Variants in ARHGEF10 observed in about 807,000 individuals in gnomAD.
The protein encoded by ARHGEF10 is Rho guanine nucleotide exchange factor 10.
ARHGEF10 carries 140 observed loss-of-function variants against 147.4 expected under a neutral mutation model. The ratio of observed to expected loss-of-function variants is 0.95; its 90% CI spans 0.83 to 1.09. ARHGEF10 has a LOEUF of 1.09. Ranked by LOEUF, ARHGEF10 falls within the 50% of genes least tolerant of loss-of-function variation. The pLI is 0.00. For missense variants in ARHGEF10, 2,222 were observed against 1,752.7 expected, an observed-to-expected ratio of 1.27 and a Z score of -4.78; for synonymous variants, 902 against 695.8, an observed-to-expected ratio of 1.30 and a Z score of -4.67.
In ARHGEF10 at chr8:1,871,785, C is replaced by A. The variant is rs147642796; in HGVS notation, c.679+2535C>A. ...TGAGCCGAGGTTGCACCACTACACT[C>A]CAGCCTGGGCAACAGAGCGAGACTC... On this transcript the variant is annotated intron_variant, in intron 7 of 28. Coordinates refer to ENST00000349830, the MANE Select transcript of ARHGEF10 (RefSeq NM_014629.4). Among the ~76,000 whole-genome samples, 862 of 152,264 alleles carry A rather than the reference C, an allele frequency of 5.7e-3. 60 individuals carry two copies. The East Asian group carries it at 0.14, about 25-fold the overall frequency.
intron 2 of ARHGEF10, among the ~76,000 whole-genome samples, chr8:1,856,801 C>T (rs372987114): frequency 3.5e-4 from 54 of 152,294 alleles, no homozygotes; most frequent in Non-Finnish European, 5.0e-4. Context: ...TGTGGATTGC[C>T]GGGCATGGCA....
chr8:1,835,792 T>G (rs1803543651), intron 1 of ARHGEF10, among the ~76,000 whole-genome samples: 1 of 152,114 alleles, frequency 6.6e-6, no homozygotes, highest in Non-Finnish European at 1.5e-5. Context: ...TTATAGAAGG[T>G]GGGGCTGCGG....
At chr8:1,846,671 G>A (rs1804587163) in intron 2 of ARHGEF10, among the ~76,000 whole-genome samples, 2 of 151,942 alleles carry the variant, frequency 1.3e-5, no homozygotes, top group Admixed American at 6.6e-5. Flanking sequence ...TCCACTTCCC[G>A]GGTTCAAGGA....
In ARHGEF10 at chr8:1,923,195, T is replaced by G. The variant is rs1043059007; in HGVS notation, c.2259+116T>G. 1.3e-5 allele frequency: 12 copies of G among 930,530 alleles called. No individual in the cohort carries two copies. In the African/African-American group the frequency reaches 1.7e-4, roughly 13 times the overall value. 57.6% of individuals were successfully genotyped at this position (930,530 alleles called of 1,614,324 possible). On this transcript the variant is annotated intron_variant, in intron 19 of 28. Coordinates refer to ENST00000349830, the MANE Select transcript of ARHGEF10 (RefSeq NM_014629.4). Reference sequence around the variant, plus strand: ...GAGAATTCATTTTGACTTTAAAAATTAATCTGAATGTACATTTTCTCTTAC... The same window carrying G: ...GAGAATTCATTTTGACTTTAAAAATGAATCTGAATGTACATTTTCTCTTAC...
At chr8:1,909,608 C>G (rs1811207073) in intron 18 of ARHGEF10, 138 bp downstream of exon 18, 4 of 1,206,954 alleles carry the variant, frequency 3.3e-6, no homozygotes, top group Admixed American at 4.0e-5. Flanking sequence ...GTGATCCAGT[C>G]TCTAGAATCT....
intron 11 of ARHGEF10, among the ~76,000 whole-genome samples, chr8:1,890,173 GGT>G (rs1809361308): frequency 7.2e-6 from 1 of 138,410 alleles, no homozygotes; most frequent in African/African-American, 2.9e-5. Context: ...GTGGGGTGAG[GGT>G]TTGTGAGGAG....
At chr8:1,906,452 G>A (rs1320167669) in intron 17 of ARHGEF10, among the ~76,000 whole-genome samples, 2 of 152,184 alleles carry the variant, frequency 1.3e-5, no homozygotes, top group African/African-American at 4.8e-5. Context: ...CGATGTGTTA[G>A]GAGCCTGTCC....
intron 18 of ARHGEF10, among the ~76,000 whole-genome samples, chr8:1,910,677 A>G (rs775714219): frequency 3.3e-5 from 5 of 152,222 alleles, no homozygotes; most frequent in East Asian, 3.8e-4. Flanking sequence ...TTAACATTTT[A>G]TTCAAGAGCA....
At chr8:1,909,866 G>A (rs890884111) in intron 18 of ARHGEF10, among the ~76,000 whole-genome samples, 6 of 152,132 alleles carry the variant, frequency 3.9e-5, no homozygotes, top group African/African-American at 1.2e-4. Context: ...GTTCCAGCTC[G>A]GCTCTTTGCT....
chr8:1,903,649 C>A, intron 16 of ARHGEF10, 198 bp downstream of exon 16: 1 of 651,882 alleles, frequency 1.5e-6, no homozygotes, highest in Non-Finnish European at 2.6e-6. Context: ...AACAGCCTGT[C>A]TTAACAGCAT....
Position 1,860,012 on chromosome 8 carries a change from C to G in ARHGEF10, c.309C>G (p.Asp103Glu). The G allele has an allele frequency of 1.9e-6, 3 of 1,614,102 alleles. No individual in the cohort carries two copies. Among genetic ancestry groups the G allele is most frequent in the Non-Finnish European group, 2.5e-6 (3 of 1,179,990 alleles). Residue 103 changes from aspartate (D) to glutamate (E), a missense_variant, in exon 4 of 29, where the codon GAC (aspartate) becomes GAG (glutamate). Physicochemically the swap from Asp to Glu is conservative, Grantham distance 45. Coordinates refer to ENST00000349830, the MANE Select transcript of ARHGEF10 (RefSeq NM_014629.4). ...SVIDITPFQE[D>E]QPPTPVPSAE... is the part of the protein sequence containing the mutation. ...TCGACATCACGCCATTCCAGGAGGA[C>G]CAGCCGCCCACCCCCGTGCCCAGCG... is the stretch of plus-strand genomic sequence containing the variant.
intron 13 of ARHGEF10, among the ~76,000 whole-genome samples, chr8:1,895,036 T>C (rs1439462090): frequency 6.6e-6 from 1 of 152,238 alleles, no homozygotes; most frequent in African/African-American, 2.4e-5. Context: ...GGAAAATTCC[T>C]AGATGTTTTC....
At position 1,957,437 on chromosome 8, in the gene ARHGEF10, C is replaced by G. The variant is rs983785058; in HGVS notation, c.*174C>G. 27 of 894,654 alleles carry G rather than the reference C, an allele frequency of 3.0e-5. No individual in the cohort carries two copies. The highest frequency in any genetic ancestry group is 3.5e-5 in the Non-Finnish European group (21 of 596,102). 55.4% of individuals were successfully genotyped at this position (894,654 alleles called of 1,614,324 possible). On this transcript the variant is annotated 3_prime_UTR_variant, in exon 29 of 29. Transcript: ENST00000349830. The stretch of plus-strand genomic sequence containing the variant: ...TGGTGTCCCTGCCAATTCCTTCCTT[C>G]TCTTCTGTACAGCAGAAGTAATTAC...
chr8:1,877,172 A>T (rs1263441571), intron 8 of ARHGEF10, among the ~76,000 whole-genome samples: 1 of 152,218 alleles, frequency 6.6e-6, no homozygotes, highest in Non-Finnish European at 1.5e-5. Flanking sequence ...AGACGTAAAA[A>T]TAGAAGATGT....
chr8:1,903,083 G>A (rs1367296471), intron 15 of ARHGEF10, among the ~76,000 whole-genome samples, 198 bp from the exon 16 acceptor site: 2 of 150,352 alleles, frequency 1.3e-5, no homozygotes, highest in African/African-American at 5.0e-5. Flanking sequence ...TTTTGTTTTT[G>A]CAAAGGAAGC....
Position 1,957,238 on chromosome 8 carries a change from G to C in ARHGEF10, c.4010G>C (p.Trp1337Ser). Reference protein sequence around the residue: ...QEELAPTVMVWQIPLLNI With the variant: ...QEELAPTVMVSQIPLLNI ...GAGCTGGCGCCGACCGTCATGGTCT[G>C]GCAGATCCCTCTGCTGAATATATAA... Residue 1337 changes from tryptophan (W) to serine (S), a missense_variant, in exon 29 of 29, where the codon TGG (tryptophan) becomes TCG (serine). Transcript: ENST00000349830. 2 of 1,611,384 alleles carry C rather than the reference G, an allele frequency of 1.2e-6. No homozygotes were observed. Among genetic ancestry groups the C allele is most frequent in the Non-Finnish European group, 1.7e-6 (2 of 1,179,828 alleles).
intron 1 of ARHGEF10, among the ~76,000 whole-genome samples, chr8:1,835,931 C>G (rs568121647): frequency 6.6e-6 from 1 of 152,138 alleles, no homozygotes; most frequent in Admixed American, 6.5e-5. Context: ...CCTGTAATCC[C>G]GGCACTTTGG....
rs764139641 is a variant in ARHGEF10, at chr8:1,929,294, T to C, written c.2930T>C (p.Ile977Thr). ...CVGTEEGSIS[I>T]YKSSQGSKKV... The stretch of plus-strand genomic sequence containing the variant: ...GTATTTTTCTCTTAAAGCATTTCCA[T>C]TTATAAAAGCAGTCAAGGCTCCAAG... Residue 977 changes from isoleucine (I) to threonine (T), a missense_variant, in exon 25 of 29, where the codon ATT becomes ACT. Physicochemically the swap from Ile to Thr is moderately conservative, Grantham distance 89. Transcript: ENST00000349830. 1 of 1,614,132 alleles carries C rather than the reference T, an allele frequency of 6.2e-7. No homozygotes were observed. The highest frequency in any genetic ancestry group is 8.5e-7 in the Non-Finnish European group (1 of 1,180,010).
At position 1,925,915 on chromosome 8, in the gene ARHGEF10, T is replaced by C. The variant is rs138312109; in HGVS notation, c.2611-462T>C. Among the ~76,000 whole-genome samples the C allele has an allele frequency of 4.4e-3, 674 of 152,290 alleles. 3 individuals carry two copies. The highest frequency in any genetic ancestry group is 7.4e-3 in the Non-Finnish European group (501 of 68,016). On this transcript the variant is annotated intron_variant, in intron 22 of 28. Transcript: ENST00000349830. ...TGACAATGTCTTATTCTTTAAGAAA[T>C]AAAGATGTTTCTTCTCACCCTGGTC...
Sources: gnomAD v4.1 joint callset for allele counts (sites outside exome capture counted in the v4.1 genomes callset) on GRCh38, gnomAD v4.1.1 for gene constraint, MANE v1.5 for transcripts, NCBI Gene and HGNC (gene_info 2026-07-23, HGNC 2026-07-21) for gene names.